ELK3: variants seen among roughly 807,000 people sequenced by gnomAD.
ELK3 encodes the protein ETS transcription factor ELK3.
ELK3 carries 10 observed loss-of-function variants against 28.9 expected under a neutral mutation model. The observed-to-expected ratio is 0.35, with a 90% CI of 0.21 to 0.59. The LOEUF (loss-of-function observed/expected upper bound fraction) is 0.59, where lower values mean the gene tolerates loss of function less well. Ranked by LOEUF, ELK3 falls within the 20% of genes least tolerant of loss-of-function variation. ELK3 has a pLI of 0.82. For synonymous variants in ELK3, 272 were observed against 243.5 expected (o/e 1.12, Z -1.09); for missense variants, 463 against 517.3 (o/e 0.90, Z 1.02).
At position 96,247,341 on chromosome 12, in the gene ELK3, C is replaced by T. The variant is rs1951864754; in HGVS notation, c.609C>T (p.Ser203=). 5 of 1,614,086 alleles carry T rather than the reference C, an allele frequency of 3.1e-6. No individual in the cohort carries two copies. In the South Asian group the frequency reaches 3.3e-5, roughly 11 times the overall value. ...CCAGGCCGGTGGTGTCCCTGCCTTC[C>T]ACGTCAGAGGCTGCGGCGGCGTCCG... ...HVTRPVVSLP[S]TSEAAAASAF... is the part of the protein sequence containing the mutation. The change falls in exon 3 of 5, where the codon TCC becomes TCT. Residue 203 remains serine, a synonymous_variant. Transcript: ENST00000228741. This position sits in a 1 kb window ranked among gnomAD's most constrained non-coding sequence, Gnocchi z 5.5.
intron 1 of ELK3, among the ~76,000 whole-genome samples, chr12:96,210,561 G>GCGCACACACACACACACACACACACACA (rs1555193024): frequency 1.4e-5 from 2 of 144,746 alleles, no homozygotes; most frequent in African/African-American, 5.1e-5. Flanking sequence ...GCGCGCGGGC[G>GCGCACACACACACACACACACACACACA]CACGCACACA....
chr12:96,209,902 CACG>C (rs994884926), intron 1 of ELK3, among the ~76,000 whole-genome samples: 2 of 150,962 alleles, frequency 1.3e-5, no homozygotes, highest in African/African-American at 4.9e-5. Flanking sequence ...CTGTAGCTCA[CACG>C]ACTTTTTCTC....
intron 2 of ELK3, among the ~76,000 whole-genome samples, chr12:96,232,713 C>A (rs1044664059): frequency 2.0e-5 from 3 of 151,438 alleles, no homozygotes; most frequent in Non-Finnish European, 4.4e-5. Flanking sequence ...AGTTTTGAGA[C>A]CAGCCTGGGC....
At chr12:96,221,372 G>A (rs140301861) in intron 1 of ELK3, among the ~76,000 whole-genome samples, 5 of 152,342 alleles carry the variant, frequency 3.3e-5, no homozygotes, top group African/African-American at 7.2e-5. Context: ...CATTCGGAAC[G>A]TGATGTCAGT....
intron 4 of ELK3, among the ~76,000 whole-genome samples, chr12:96,266,544 T>C (rs1392004696): frequency 6.6e-6 from 1 of 152,152 alleles, no homozygotes; most frequent in Non-Finnish European, 1.5e-5. Context: ...TAGAATACTT[T>C]CTTAGCTCCA....
intron 3 of ELK3, among the ~76,000 whole-genome samples, chr12:96,253,518 C>T (rs1393365039): frequency 6.6e-6 from 1 of 152,184 alleles, no homozygotes; most frequent in Non-Finnish European, 1.5e-5. Context: ...GACCTTAAAA[C>T]CATGGTTTCA....
intron 1 of ELK3, among the ~76,000 whole-genome samples, chr12:96,201,894 C>CT (rs1951510064): frequency 6.6e-6 from 1 of 152,200 alleles, no homozygotes; most frequent in Non-Finnish European, 1.5e-5. Flanking sequence ...GCCATGCTTC[C>CT]TTTCCTCCTA....
At chr12:96,228,914 C>T (rs955395018) in intron 2 of ELK3, among the ~76,000 whole-genome samples, 34 of 152,216 alleles carry the variant, frequency 2.2e-4, no homozygotes, top group African/African-American at 5.1e-4. Context: ...TAAGATGACG[C>T]GGATAAGGTG....
At chr12:96,208,263 G>A (rs1951552016) in intron 1 of ELK3, among the ~76,000 whole-genome samples, 1 of 152,182 alleles carries the variant, frequency 6.6e-6, no homozygotes, top group Non-Finnish European at 1.5e-5. Flanking sequence ...TGTTGGCCAG[G>A]CTGGTCTGGA....
At position 96,265,945 on chromosome 12, in the gene ELK3, A is replaced by G. The variant is rs115708110; in HGVS notation, c.1126-1137A>G. 7.6e-3 allele frequency among the ~76,000 whole-genome samples: 1,161 copies of G among 152,334 alleles called. 10 individuals carry two copies. Among genetic ancestry groups the G allele is most frequent in the African/African-American group, 0.027 (1,106 of 41,564 alleles). On this transcript the variant is annotated intron_variant, in intron 4 of 4. Transcript: ENST00000228741. ...TAATTAAAGATACCCCCTAACTCCT[A>G]CCAAAATAAAAAGTTGTAAAATGTT...
At chr12:96,241,983 G>A (rs1469769484) in intron 2 of ELK3, among the ~76,000 whole-genome samples, 1 of 152,196 alleles carries the variant, frequency 6.6e-6, no homozygotes. Flanking sequence ...AAAGAGACTG[G>A]TCCCACCCAT....
intron 2 of ELK3, among the ~76,000 whole-genome samples, chr12:96,242,905 C>G (rs1307318168): frequency 1.3e-5 from 2 of 152,126 alleles, no homozygotes; most frequent in Non-Finnish European, 2.9e-5. Context: ...ATGGCTGTCA[C>G]TTCCTCCTTT....
chr12:96,223,013 C>T (rs1951673783), intron 1 of ELK3: 1 of 162,406 alleles, frequency 6.2e-6, no homozygotes, highest in Non-Finnish European at 1.4e-5. Flanking sequence ...AGAACTCAGT[C>T]ACTAACTCAA....
chr12:96,263,819 T>C (rs1402847966), intron 4 of ELK3, among the ~76,000 whole-genome samples: 2 of 152,168 alleles, frequency 1.3e-5, no homozygotes, highest in Non-Finnish European at 2.9e-5. Flanking sequence ...CTGTGGGCCT[T>C]GAATATAGGC....
chr12:96,210,214 C>G (rs942567765), intron 1 of ELK3, among the ~76,000 whole-genome samples: 2 of 152,166 alleles, frequency 1.3e-5, no homozygotes, highest in Non-Finnish European at 2.9e-5. Flanking sequence ...TTTGTAAGAT[C>G]CTAGTAAGTT....
intron 4 of ELK3, among the ~76,000 whole-genome samples, chr12:96,264,920 C>G (rs540669326): frequency 1.3e-5 from 2 of 152,280 alleles, no homozygotes; most frequent in South Asian, 4.1e-4. Flanking sequence ...AGATAAGAAA[C>G]TAAGGCACAG....
At chr12:96,204,025 A>G (rs1951524024) in intron 1 of ELK3, among the ~76,000 whole-genome samples, 1 of 152,224 alleles carries the variant, frequency 6.6e-6, no homozygotes, top group Non-Finnish European at 1.5e-5. Context: ...AAAAGTGGAT[A>G]TATAGAAATG....
At chr12:96,220,044 G>C (rs913758941) in intron 1 of ELK3, among the ~76,000 whole-genome samples, 1 of 152,138 alleles carries the variant, frequency 6.6e-6, no homozygotes, top group African/African-American at 2.4e-5. Context: ...GATCCCCTGT[G>C]CCTGCAGCTG....
At chr12:96,216,467 A>G (rs1472206352) in intron 1 of ELK3, among the ~76,000 whole-genome samples, 1 of 152,230 alleles carries the variant, frequency 6.6e-6, no homozygotes, top group Non-Finnish European at 1.5e-5. Context: ...AAACAGAAGC[A>G]TACTCCAAGT....
Sources: gnomAD v4.1 joint callset for allele counts (sites outside exome capture counted in the v4.1 genomes callset) on GRCh38, gnomAD v4.1.1 for gene constraint, Gnocchi (gnomAD v3.1) non-coding constraint, MANE v1.5 for transcripts, NCBI Gene and HGNC (gene_info 2026-07-23, HGNC 2026-07-21) for gene names.